FARS2: variants seen among roughly 807,000 people sequenced by gnomAD.
FARS2 encodes phenylalanine--tRNA ligase, mitochondrial.
A neutral mutation model predicts 46.4 loss-of-function variants in FARS2; 40 were observed. That is an observed-to-expected ratio of 0.86 (90% CI 0.67 to 1.12). The LOEUF (loss-of-function observed/expected upper bound fraction) is 1.12, where lower values mean the gene tolerates loss of function less well. Among genes scored for constraint, FARS2 ranks in the 50% most tolerant of loss-of-function variants. The pLI is 0.00. For missense variants in FARS2, 513 were observed against 567.9 expected, an observed-to-expected ratio of 0.90 and a Z score of 0.98; for synonymous variants, 234 against 214.9, an observed-to-expected ratio of 1.09 and a Z score of -0.78.
chr6:5,681,542 G>A (rs28662835), intron 6 of FARS2, among the ~76,000 whole-genome samples: 1 of 152,132 alleles, frequency 6.6e-6, no homozygotes, highest in South Asian at 2.1e-4. Context: ...TGTACAGGGG[G>A]AAAAAGTTAC....
intron 1 of FARS2, among the ~76,000 whole-genome samples, chr6:5,324,135 C>T (rs545923399): frequency 9.2e-5 from 14 of 152,304 alleles, no homozygotes; most frequent in African/African-American, 2.9e-4. Flanking sequence ...AGAAGCCCCT[C>T]TCAGGTTTTA....
At chr6:5,430,517 CTGAT>C (rs1763099444) in intron 3 of FARS2, among the ~76,000 whole-genome samples, 2 of 151,798 alleles carry the variant, frequency 1.3e-5, no homozygotes, top group African/African-American at 4.8e-5. Flanking sequence ...TTAAGATTGA[CTGAT>C]AGATTTGGTT....
intron 4 of FARS2, among the ~76,000 whole-genome samples, chr6:5,500,790 A>G (rs553953199): frequency 3.9e-4 from 60 of 152,264 alleles, no homozygotes; most frequent in African/African-American, 1.4e-3. Context: ...AATTCACAGA[A>G]CCGGTAGAAG....
At chr6:5,755,767 C>G (rs1284682120) in intron 6 of FARS2, among the ~76,000 whole-genome samples, 1 of 152,142 alleles carries the variant, frequency 6.6e-6, no homozygotes, top group Non-Finnish European at 1.5e-5. Flanking sequence ...CCAGCCTTTT[C>G]CTCAGTGCTG....
At chr6:5,621,257 T>C (rs1166442693) in intron 6 of FARS2, among the ~76,000 whole-genome samples, 2 of 151,530 alleles carry the variant, frequency 1.3e-5, no homozygotes, top group Non-Finnish European at 2.9e-5. Context: ...TGGCTAACTT[T>C]TTTTTTTTTT....
intron 3 of FARS2, among the ~76,000 whole-genome samples, chr6:5,427,467 G>T (rs1762915135): frequency 6.6e-6 from 1 of 152,148 alleles, no homozygotes. Flanking sequence ...GGAAATGAAT[G>T]GTGTATAGAT....
At chr6:5,412,278 C>T (rs530140485) in intron 3 of FARS2, among the ~76,000 whole-genome samples, 39 of 152,314 alleles carry the variant, frequency 2.6e-4, no homozygotes, top group African/African-American at 6.3e-4. Flanking sequence ...AGCCCACATC[C>T]GAAGACTGAA....
intron 4 of FARS2, among the ~76,000 whole-genome samples, chr6:5,521,108 A>C (rs1283950812): frequency 6.7e-6 from 1 of 148,830 alleles, no homozygotes; most frequent in African/African-American, 2.5e-5. Context: ...TTCCCTTTTA[A>C]ATTATTTTTT....
At position 5,771,322 on chromosome 6, in the gene FARS2, A is replaced by G; in HGVS notation, c.1249A>G (p.Thr417Ala). The change falls in exon 7 of 7, where the codon ACG becomes GCG. Residue 417 changes from threonine (T) to alanine (A), a missense_variant. Thr to Ala is a moderately conservative substitution (Grantham distance 58). Transcript: ENST00000274680. ...CAAGACCAGCCACTGCTACCGCATC[A>G]CGTACCGCCACATGGAACGGACTCT... ...THKTSHCYRI[T>A]YRHMERTLSQ... is the part of the protein sequence containing the mutation. 1 of 1,614,176 alleles carries G rather than the reference A, an allele frequency of 6.2e-7. No individual in the cohort carries two copies. The highest frequency in any genetic ancestry group is 8.5e-7 in the Non-Finnish European group (1 of 1,180,032).
intron 4 of FARS2, among the ~76,000 whole-genome samples, chr6:5,483,748 G>T (rs1766612862): frequency 1.3e-5 from 2 of 152,184 alleles, no homozygotes; most frequent in South Asian, 4.2e-4. Context: ...TATAAAACTG[G>T]CTCAACAAAG....
chr6:5,472,355 T>C (rs530456506), intron 4 of FARS2, among the ~76,000 whole-genome samples: 13 of 152,286 alleles, frequency 8.5e-5, no homozygotes, highest in Admixed American at 2.0e-4. Flanking sequence ...ATTAAATCCA[T>C]GTATGTGACA....
rs189243796 is a variant in FARS2 at position 5,609,542 on chromosome 6, A to C, written c.1066-3627A>C. On this transcript the variant is annotated intron_variant, in intron 5 of 6. Coordinates refer to ENST00000274680, the MANE Select transcript of FARS2 (RefSeq NM_006567.5). ...GACCACTGAAGTTTCCTCCATGACC[A>C]AAGTTGTCATTCCCACTGAAACCAC... 574 of 1,277,614 alleles carry C rather than the reference A, an allele frequency of 4.5e-4. 13 individuals carry two copies. In the South Asian group the frequency reaches 5.3e-3, roughly 12 times the overall value. The allele number at this position is 1,277,614 out of a possible 1,614,324, so 79.1% of individuals were successfully genotyped here. A position where few individuals can be genotyped will look rare whatever the true frequency, so the allele number is the denominator to read the frequency against.
intron 2 of FARS2, among the ~76,000 whole-genome samples, chr6:5,398,038 T>G (rs1299786547): frequency 6.6e-6 from 1 of 152,206 alleles, no homozygotes. Flanking sequence ...ATGAAGAACG[T>G]GGTGGTGATA....
chr6:5,354,031 A>G (rs1204916411), intron 1 of FARS2, among the ~76,000 whole-genome samples: 4 of 150,680 alleles, frequency 2.7e-5, no homozygotes, highest in Non-Finnish European at 5.9e-5. Flanking sequence ...TTTTCCTCCC[A>G]AATCTTACTA....
chr6:5,474,837 T>G (rs113427866), intron 4 of FARS2, among the ~76,000 whole-genome samples: 4,379 of 152,042 alleles, frequency 0.029, 132 homozygotes, highest in East Asian at 0.093. Flanking sequence ...TTTTTGTATT[T>G]TTAGTAGAGA....
chr6:5,704,445 G>A (rs912551491), intron 6 of FARS2, among the ~76,000 whole-genome samples: 2 of 152,198 alleles, frequency 1.3e-5, no homozygotes, highest in Non-Finnish European at 2.9e-5. Context: ...TCACTTCAGA[G>A]TAATGATAAA....
At chr6:5,659,720 G>C (rs1777764201) in intron 6 of FARS2, among the ~76,000 whole-genome samples, 1 of 152,160 alleles carries the variant, frequency 6.6e-6, no homozygotes, top group Non-Finnish European at 1.5e-5. Flanking sequence ...CATGGTTCTT[G>C]CCTTCCAGTA....
chr6:5,260,881 G>C (rs1765050328), upstream of FARS2: 4 of 1,427,916 alleles, frequency 2.8e-6, no homozygotes, highest in Admixed American at 2.8e-5. Flanking sequence ...AGCCTAAGCG[G>C]GCAGCCCTGC....
intron 6 of FARS2, among the ~76,000 whole-genome samples, chr6:5,653,408 C>T (rs1233169968): frequency 1.3e-5 from 2 of 152,230 alleles, no homozygotes; most frequent in Non-Finnish European, 2.9e-5. Context: ...TTTACCAATT[C>T]AGACCCACAA....
Sources: allele counts gnomAD v4.1 joint callset (sites outside exome capture counted in the v4.1 genomes callset), GRCh38; gene constraint gnomAD v4.1.1; transcripts MANE v1.5; gene names NCBI Gene and HGNC (gene_info 2026-07-23, HGNC 2026-07-21).